ZC3H6: variants seen among roughly 807,000 people sequenced by gnomAD.
ZC3H6 encodes zinc finger CCCH domain-containing protein 6.
A neutral mutation model predicts 107.7 loss-of-function variants in ZC3H6; 40 were observed. That is an observed-to-expected ratio of 0.37 (90% confidence interval 0.29 to 0.48). The LOEUF is 0.48. ZC3H6 is among the 20% of genes least tolerant of loss of function. The probability of loss-of-function intolerance (pLI) is 0.98; values close to 1 mark genes in which losing one functional copy is unlikely to be tolerated. For missense variants in ZC3H6, 1,267 were observed against 1,410.4 expected, an observed-to-expected ratio of 0.90 and a Z score of 1.63; for synonymous variants, 493 against 487.9, an observed-to-expected ratio of 1.01 and a Z score of -0.14.
At chr2:112,303,005 C>T (rs528452147) in intron 2 of ZC3H6, among the ~76,000 whole-genome samples, 2 of 152,066 alleles carry the variant, frequency 1.3e-5, no homozygotes, top group Admixed American at 6.6e-5. Context: ...AGGAAAATGT[C>T]ATAAAGTCTC....
intron 3 of ZC3H6, among the ~76,000 whole-genome samples, chr2:112,308,741 T>G (rs907576918): frequency 2.7e-5 from 4 of 149,934 alleles, no homozygotes; most frequent in Admixed American, 2.7e-4. Context: ...CAGAGTAGTA[T>G]TTTAATATCA....
chr2:112,313,532 T>C (rs1573959511), intron 5 of ZC3H6, among the ~76,000 whole-genome samples: 1 of 152,286 alleles, frequency 6.6e-6, no homozygotes, highest in East Asian at 1.9e-4. Flanking sequence ...TTAAGTTAAC[T>C]CTAAGGGCCC....
rs1686408542 is a variant in ZC3H6, at chr2:112,275,989, C to T, written c.-6C>T. 2.6e-6 allele frequency: 4 copies of T among 1,537,558 alleles called. No individual in the cohort carries two copies. The highest frequency in any genetic ancestry group is 3.5e-6 in the Non-Finnish European group (4 of 1,141,628). Reference sequence around the variant, plus strand: ...CCCTCCAGCCCCGCCCCGTTCTTGACCAAACATGACAGACTCTGAACATGC... The same window carrying T: ...CCCTCCAGCCCCGCCCCGTTCTTGATCAAACATGACAGACTCTGAACATGC... On this transcript the variant is annotated 5_prime_UTR_variant, in exon 1 of 12. Coordinates refer to ENST00000409871, the MANE Select transcript of ZC3H6 (RefSeq NM_198581.3).
intron 1 of ZC3H6, among the ~76,000 whole-genome samples, chr2:112,296,674 C>T (rs1676241685): frequency 6.6e-6 from 1 of 152,094 alleles, no homozygotes; most frequent in South Asian, 2.1e-4. Context: ...GGGAAAATTC[C>T]AGTGACTTTA....
rs184273352 is a variant in ZC3H6 at position 112,321,518 on chromosome 2, C to G, written c.977-238C>G. Reference sequence around the variant, plus strand: ...TTCAGTATAATATATAATAATACAGCCTTATTGATTCAGCACAGTTGTGGT... The same window carrying G: ...TTCAGTATAATATATAATAATACAGGCTTATTGATTCAGCACAGTTGTGGT... On this transcript the variant is annotated intron_variant, in intron 7 of 11. Transcript: ENST00000409871. Among the ~76,000 whole-genome samples, 4 of 151,790 alleles carry G rather than the reference C, an allele frequency of 2.6e-5. No homozygotes were observed. The East Asian group carries it at 5.8e-4, about 22-fold the overall frequency.
At position 112,324,613 on chromosome 2, in the gene ZC3H6, A is replaced by G; in HGVS notation, c.1802A>G (p.Tyr601Cys). The G allele has an allele frequency of 6.2e-7, 1 of 1,611,228 alleles. No individual in the cohort carries two copies. The highest frequency in any genetic ancestry group is 8.5e-7 in the Non-Finnish European group (1 of 1,178,434). The change falls in exon 10 of 12, where the codon TAC becomes TGC. Residue 601 changes from tyrosine (Y) to cysteine (C), a missense_variant. This residue lies in a region of ZC3H6 where 925 missense variants were observed against 1,025.7 expected (regional missense o/e 0.90). Coordinates refer to ENST00000409871, the MANE Select transcript of ZC3H6 (RefSeq NM_198581.3). The part of the protein sequence containing the change: ...LQNPAEFYDN[Y>C]YAQHSIHNFQ... ...AACCCAGCTGAGTTTTACGATAATT[A>G]CTATGCACAGCATTCTATACATAAT... is the stretch of plus-strand genomic sequence containing the variant.
chr2:112,302,013 T>C (rs1413893398), intron 2 of ZC3H6, among the ~76,000 whole-genome samples: 1 of 151,952 alleles, frequency 6.6e-6, no homozygotes, highest in Non-Finnish European at 1.5e-5. Context: ...AAGTACTACC[T>C]AACAAAATTA....
intron 3 of ZC3H6, among the ~76,000 whole-genome samples, chr2:112,308,424 A>ATTTC (rs1251021923): frequency 2.7e-5 from 4 of 148,044 alleles, no homozygotes; most frequent in Admixed American, 2.7e-4. Flanking sequence ...TTATTTATTT[A>ATTTC]TTTATTTATT....
At chr2:112,328,295 C>G (rs1676950241) in intron 11 of ZC3H6, among the ~76,000 whole-genome samples, 1 of 152,102 alleles carries the variant, frequency 6.6e-6, no homozygotes, top group African/African-American at 2.4e-5. Flanking sequence ...TCTTTTTGCT[C>G]AGGATAGGTT....
At chr2:112,285,803 A>C (rs1489655563) in intron 1 of ZC3H6, among the ~76,000 whole-genome samples, 1 of 152,076 alleles carries the variant, frequency 6.6e-6, no homozygotes, top group Non-Finnish European at 1.5e-5. Flanking sequence ...TCTACTAAAA[A>C]TACAAAAATT....
intron 1 of ZC3H6, among the ~76,000 whole-genome samples, chr2:112,296,743 T>A (rs1357014489): frequency 6.6e-6 from 1 of 152,216 alleles, no homozygotes; most frequent in East Asian, 1.9e-4. Flanking sequence ...ATGGGTATTA[T>A]ACATTCAGGG....
intron 10 of ZC3H6, 106 bp from the exon 11 acceptor site, chr2:112,324,858 T>C: frequency 8.7e-7 from 1 of 1,144,066 alleles, no homozygotes; most frequent in Non-Finnish European, 1.2e-6. Context: ...TTTTAAATGA[T>C]ATAATTTGAT....
At chr2:112,276,280 C>T (rs908731057) in intron 1 of ZC3H6, among the ~76,000 whole-genome samples, 24 of 149,370 alleles carry the variant, frequency 1.6e-4, no homozygotes, top group Middle Eastern at 3.4e-3. Flanking sequence ...ACGTGCGAGC[C>T]CCCCGCCCCC....
At chr2:112,330,937 A>C in intron 11 of ZC3H6, 68 bp from the exon 12 acceptor site, 1 of 648,430 alleles carries the variant, frequency 1.5e-6, no homozygotes, top group Non-Finnish European at 2.0e-6. Flanking sequence ...TATAATTATA[A>C]TATAATAATT....
intron 8 of ZC3H6, 133 bp downstream of exon 8, chr2:112,321,998 GC>G: frequency 2.1e-6 from 1 of 470,346 alleles, no homozygotes; most frequent in Non-Finnish European, 3.7e-6. Context: ...TTCTATTTGA[GC>G]AATATTCTTT....
chr2:112,295,042 A>G (rs886390622), intron 1 of ZC3H6, among the ~76,000 whole-genome samples: 10 of 152,000 alleles, frequency 6.6e-5, no homozygotes, highest in Admixed American at 1.3e-4. Flanking sequence ...CATTTTCACC[A>G]CTCCACAAAG....
chr2:112,284,144 C>T (rs1686568937), intron 1 of ZC3H6, among the ~76,000 whole-genome samples: 2 of 152,078 alleles, frequency 1.3e-5, no homozygotes, highest in South Asian at 4.1e-4. Context: ...GTTATTAGAT[C>T]ACTGGTGCTT....
intron 9 of ZC3H6, 103 bp downstream of exon 9, chr2:112,323,005 A>G (rs1676834553): frequency 1.6e-6 from 2 of 1,276,928 alleles, no homozygotes; most frequent in Non-Finnish European, 2.2e-6. Context: ...AAACTTGGTT[A>G]GAGATAGCAC....
At chr2:112,297,760 T>C (rs1676270695) in intron 1 of ZC3H6, among the ~76,000 whole-genome samples, 1 of 152,094 alleles carries the variant, frequency 6.6e-6, no homozygotes, top group Non-Finnish European at 1.5e-5. Flanking sequence ...GTTTTGTTAC[T>C]ATCTGTGTAT....
Sources: gnomAD v4.1 joint callset for allele counts (sites outside exome capture counted in the v4.1 genomes callset) on GRCh38, gnomAD v4.1.1 for gene constraint, gnomAD v4.1.1 regional missense constraint, MANE v1.5 for transcripts, NCBI Gene and HGNC (gene_info 2026-07-23, HGNC 2026-07-21) for gene names.